The following ANKRD44 variants were observed in gnomAD, a reference collection of about 807,000 sequenced individuals.
The protein encoded by ANKRD44 is serine/threonine-protein phosphatase 6 regulatory ankyrin repeat subunit B.
ANKRD44 carries 35 observed loss-of-function variants against 116.0 expected under a neutral mutation model. That is an observed-to-expected ratio of 0.30 (90% CI 0.23 to 0.40). The LOEUF is 0.40. ANKRD44 is among the 10% of genes least tolerant of loss of function. The probability of loss-of-function intolerance (pLI) is 1.00; values close to 1 mark genes in which losing one functional copy is unlikely to be tolerated. For synonymous variants in ANKRD44, 435 were observed against 461.8 expected, an observed-to-expected ratio of 0.94 and a Z score of 0.74; for missense variants, 1,014 against 1,242.6, an observed-to-expected ratio of 0.82 and a Z score of 2.77.
chr2:197,092,613 G>A (rs1248193883), intron 10 of ANKRD44, among the ~76,000 whole-genome samples: 1 of 152,120 alleles, frequency 6.6e-6, no homozygotes, highest in African/African-American at 2.4e-5. Context: ...AGCCCAGTGT[G>A]TATAACAGCT....
intron 4 of ANKRD44, among the ~76,000 whole-genome samples, chr2:197,128,115 T>C (rs1402294800): frequency 6.6e-6 from 1 of 152,248 alleles, no homozygotes; most frequent in Non-Finnish European, 1.5e-5. Flanking sequence ...TGAATAGTGC[T>C]GCAATGAACA....
chr2:197,176,108 T>C (rs2080358158), intron 2 of ANKRD44, among the ~76,000 whole-genome samples: 1 of 152,148 alleles, frequency 6.6e-6, no homozygotes, highest in South Asian at 2.1e-4. Flanking sequence ...AGCAAGGAGA[T>C]AGAAGCCATC....
At chr2:197,155,505 C>T (rs1432414875) in intron 2 of ANKRD44, among the ~76,000 whole-genome samples, 2 of 152,196 alleles carry the variant, frequency 1.3e-5, no homozygotes, top group Admixed American at 6.5e-5. Context: ...GGAGAACTAA[C>T]ATTACCTGAT....
At chr2:197,025,083 T>G (rs986970006) in intron 17 of ANKRD44, 113 bp downstream of exon 17, 1 of 1,065,804 alleles carries the variant, frequency 9.4e-7, no homozygotes, top group African/African-American at 1.5e-5. Flanking sequence ...ACGGACTACT[T>G]TCACTACCAC....
At chr2:197,064,827 G>A (rs1355747340) in intron 16 of ANKRD44, among the ~76,000 whole-genome samples, 9 of 152,226 alleles carry the variant, frequency 5.9e-5, no homozygotes, top group Middle Eastern at 3.4e-3. Context: ...TCTGCAAAGA[G>A]ACTTAGACTC....
At chr2:197,099,636 T>C in intron 10 of ANKRD44, 180 bp downstream of exon 10, 1 of 1,296,312 alleles carries the variant, frequency 7.7e-7, no homozygotes, top group Non-Finnish European at 9.8e-7. Flanking sequence ...TAAAATTGGT[T>C]CTTCTTTGCC....
chr2:197,211,964 G>A (rs567765346), intron 1 of ANKRD44, among the ~76,000 whole-genome samples: 1 of 152,050 alleles, frequency 6.6e-6, no homozygotes, highest in Admixed American at 6.6e-5. Flanking sequence ...CCAACACTCC[G>A]GTGATGAAGG....
At chr2:197,043,331 C>T (rs2076945630) in intron 16 of ANKRD44, among the ~76,000 whole-genome samples, 1 of 152,004 alleles carries the variant, frequency 6.6e-6, no homozygotes, top group South Asian at 2.1e-4. Flanking sequence ...TATTGTTCCC[C>T]ATTATCTATT....
chr2:196,977,580 T>A (rs1298403489), intron 21 of ANKRD44, among the ~76,000 whole-genome samples: 3 of 152,170 alleles, frequency 2.0e-5, no homozygotes, highest in Admixed American at 2.0e-4. Flanking sequence ...AAATGTCCAA[T>A]AAGCACACAG....
chr2:196,997,598 C>T (rs372944099), intron 25 of ANKRD44, among the ~76,000 whole-genome samples: 13 of 151,838 alleles, frequency 8.6e-5, no homozygotes, highest in South Asian at 2.1e-4. Flanking sequence ...TACAGGCATG[C>T]GCCACCATGC....
chr2:197,034,733 C>T (rs1264274106), intron 16 of ANKRD44, among the ~76,000 whole-genome samples: 3 of 151,878 alleles, frequency 2.0e-5, no homozygotes, highest in Non-Finnish European at 4.4e-5. Flanking sequence ...ATGTGTTTGC[C>T]AGGATTCTGT....
intron 16 of ANKRD44, among the ~76,000 whole-genome samples, chr2:197,066,811 A>C (rs2077443174): frequency 6.6e-6 from 1 of 152,230 alleles, no homozygotes. Flanking sequence ...AGAACATTCC[A>C]TGCTCATGGG....
intron 1 of ANKRD44, among the ~76,000 whole-genome samples, chr2:197,278,307 T>G (rs1378794131): frequency 2.2e-5 from 1 of 45,430 alleles, no homozygotes; most frequent in Non-Finnish European, 4.3e-5. Flanking sequence ...TTTTTTTCTG[T>G]TTTTTTTATT....
intron 2 of ANKRD44, among the ~76,000 whole-genome samples, chr2:197,185,535 T>C (rs186980962): frequency 3.3e-5 from 5 of 152,356 alleles, no homozygotes; most frequent in East Asian, 1.9e-4. Flanking sequence ...TATTTCACAA[T>C]TGAATTACAT....
intron 1 of ANKRD44, among the ~76,000 whole-genome samples, chr2:197,239,260 C>T (rs906881148): frequency 9.2e-5 from 14 of 152,006 alleles, no homozygotes; most frequent in African/African-American, 3.4e-4. Flanking sequence ...GTCCTTTTTT[C>T]TCTTTGAGAC....
chr2:197,294,927 T>A (rs1206146180), intron 1 of ANKRD44, among the ~76,000 whole-genome samples: 1 of 152,198 alleles, frequency 6.6e-6, no homozygotes, highest in Non-Finnish European at 1.5e-5. Flanking sequence ...AAAGTACATA[T>A]TAACTGTTTC....
chr2:197,168,619 T>G (rs2080155733), intron 2 of ANKRD44, among the ~76,000 whole-genome samples: 1 of 152,186 alleles, frequency 6.6e-6, no homozygotes, highest in African/African-American at 2.4e-5. Flanking sequence ...GAATTGCTCC[T>G]TCTCCTCCTC....
chr2:197,287,464 T>C (rs548279146), intron 1 of ANKRD44, among the ~76,000 whole-genome samples: 37 of 152,278 alleles, frequency 2.4e-4, no homozygotes, highest in Middle Eastern at 6.8e-3. Context: ...TGTTTCTGTT[T>C]GTTCTAGAGA....
Position 197,013,542 on chromosome 2 carries a change from A to C in ANKRD44, c.1893T>G (p.Asn631Lys). The C allele has an allele frequency of 2.5e-6, 4 of 1,614,214 alleles. No individual in the cohort carries two copies. Among genetic ancestry groups the C allele is most frequent in the Non-Finnish European group, 3.4e-6 (4 of 1,180,038 alleles). The change falls in exon 18 of 28, where the codon AAT becomes AAG. Residue 631 changes from asparagine to lysine, a missense_variant. Asn to Lys is a moderately conservative substitution (Grantham distance 94). Coordinates refer to ENST00000282272, the MANE Select transcript of ANKRD44 (RefSeq NM_001195144.2). ...NQGASIFVKD[N>K]VTKRTPLHAS... ...CATGAAGTGGGGTTCTTTTGGTTAC[A>C]TTGTCTTTCACAAAGATGGATGCGC...
Sources: allele counts gnomAD v4.1 joint callset (sites outside exome capture counted in the v4.1 genomes callset), GRCh38; gene constraint gnomAD v4.1.1; transcripts MANE v1.5; gene names NCBI Gene and HGNC (gene_info 2026-07-23, HGNC 2026-07-21).